Variants in TOX observed in about 807,000 individuals in gnomAD.
TOX encodes thymocyte selection associated high mobility group box, also known as thymocyte selection-associated high mobility group box protein TOX.
In TOX, 11 loss-of-function variants were observed where a neutral mutation model predicts 53.7. That is an observed-to-expected ratio of 0.20 (90% confidence interval 0.13 to 0.34). The LOEUF is 0.34. Ranked by LOEUF, TOX falls within the 10% of genes least tolerant of loss-of-function variation. TOX has a pLI of 1.00. For missense variants in TOX, 570 were observed against 664.6 expected (o/e 0.86, Z 1.56); for synonymous variants, 225 against 245.3 (o/e 0.92, Z 0.77).
At chr8:59,069,940 T>C (rs559290001) in intron 1 of TOX, among the ~76,000 whole-genome samples, 5 of 152,126 alleles carry the variant, frequency 3.3e-5, no homozygotes, top group Non-Finnish European at 7.4e-5. Context: ...GTGAAGACAA[T>C]GTGTAACACG....
intron 1 of TOX, among the ~76,000 whole-genome samples, chr8:59,094,728 C>G (rs776311348): frequency 3.3e-5 from 5 of 152,114 alleles, no homozygotes; most frequent in Non-Finnish European, 5.9e-5. Flanking sequence ...GGAAGCAAAC[C>G]CGCAGACCGC....
intron 1 of TOX, among the ~76,000 whole-genome samples, chr8:59,023,044 T>C (rs976542032): frequency 6.6e-6 from 1 of 152,200 alleles, no homozygotes; most frequent in African/African-American, 2.4e-5. Flanking sequence ...ATTTAAATTA[T>C]GAAAATCTCA....
At chr8:59,073,364 C>T (rs1804234226) in intron 1 of TOX, among the ~76,000 whole-genome samples, 1 of 152,044 alleles carries the variant, frequency 6.6e-6, no homozygotes, top group African/African-American at 2.4e-5. Context: ...ATAAAAACCA[C>T]CAGGAAAACT....
At chr8:59,021,329 G>C (rs1260545790) in intron 1 of TOX, among the ~76,000 whole-genome samples, 1 of 150,166 alleles carries the variant, frequency 6.7e-6, no homozygotes, top group African/African-American at 2.4e-5. Context: ...GGGGGAGGTT[G>C]GAGAAAGAAA....
At chr8:58,841,930 A>C (rs1003443637) in intron 4 of TOX, among the ~76,000 whole-genome samples, 7 of 152,246 alleles carry the variant, frequency 4.6e-5, no homozygotes, top group African/African-American at 1.7e-4. Context: ...ATTTTAATTA[A>C]AAAATTAATG....
At chr8:58,880,048 C>A (rs560723067) in intron 3 of TOX, among the ~76,000 whole-genome samples, 1 of 152,226 alleles carries the variant, frequency 6.6e-6, no homozygotes, top group East Asian at 1.9e-4. Flanking sequence ...CTTCCTAGAT[C>A]CCATAGGAAA....
At chr8:58,957,543 G>A (rs1230751437) in intron 2 of TOX, among the ~76,000 whole-genome samples, 2 of 152,220 alleles carry the variant, frequency 1.3e-5, no homozygotes, top group African/African-American at 4.8e-5. Context: ...TTTTTACAGT[G>A]TACTTCCATT....
intron 1 of TOX, among the ~76,000 whole-genome samples, chr8:59,107,898 T>C (rs950296275): frequency 1.3e-5 from 2 of 152,208 alleles, no homozygotes; most frequent in Admixed American, 1.3e-4. Flanking sequence ...CTTGCAAGTA[T>C]GTGCTAAAGA....
At chr8:59,067,704 T>TA (rs562863312) in intron 1 of TOX, among the ~76,000 whole-genome samples, 4,846 of 146,622 alleles carry the variant, frequency 0.033, 113 homozygotes, top group African/African-American at 0.056. Flanking sequence ...CCTACTATTA[T>TA]AAAAAAAAAA....
At chr8:58,925,922 C>T (rs1378015984) in intron 3 of TOX, among the ~76,000 whole-genome samples, 1 of 152,146 alleles carries the variant, frequency 6.6e-6, no homozygotes, top group African/African-American at 2.4e-5. Flanking sequence ...TGAATATGTG[C>T]CCCTTCCCCT....
intron 1 of TOX, among the ~76,000 whole-genome samples, chr8:58,978,986 T>C (rs1336853717): frequency 2.0e-5 from 3 of 152,230 alleles, no homozygotes; most frequent in Admixed American, 1.3e-4. Context: ...ATAGAGCCTG[T>C]AGCCTAAAAT....
At position 59,070,568 on chromosome 8, in the gene TOX, G is replaced by C. The variant is rs1418221173; in HGVS notation, c.102+48318C>G. Among the ~76,000 whole-genome samples the C allele has an allele frequency of 2.7e-5, 4 of 147,298 alleles. No homozygotes were observed. The East Asian group carries it at 7.9e-4, about 29-fold the overall frequency. On this transcript the variant is annotated intron_variant, in intron 1 of 8. Coordinates refer to ENST00000361421, the MANE Select transcript of TOX (RefSeq NM_014729.3). ...ACACACAGGGAGACCTAAGACTGAA[G>C]ATACAGAAGAAAAGATGGTGGAAAG...
intron 1 of TOX, among the ~76,000 whole-genome samples, chr8:59,061,592 A>T (rs1242071846): frequency 9.9e-5 from 15 of 152,138 alleles, no homozygotes. Flanking sequence ...ACTACTAGCA[A>T]AACCCCCATC....
Position 58,825,642 on chromosome 8 carries a change from T to C in TOX, c.1005+1180A>G, listed in dbSNP as rs528476331. On this transcript the variant is annotated intron_variant, in intron 6 of 8. Coordinates refer to ENST00000361421, the MANE Select transcript of TOX (RefSeq NM_014729.3). ...AAAAAGAATCTGATCTTGGATGAAA[T>C]AAGGAGAATTAACTTTTTAAAAGCC... Among the ~76,000 whole-genome samples the C allele has an allele frequency of 2.0e-5, 3 of 152,324 alleles. No homozygotes were observed. The South Asian group carries it at 6.2e-4, about 32-fold the overall frequency.
chr8:58,809,700 T>C (rs1810045052), intron 7 of TOX, among the ~76,000 whole-genome samples: 1 of 152,192 alleles, frequency 6.6e-6, no homozygotes, highest in Non-Finnish European at 1.5e-5. Flanking sequence ...GTAAATATCT[T>C]CCAAAATATT....
intron 1 of TOX, among the ~76,000 whole-genome samples, chr8:59,059,694 T>C (rs925554923): frequency 6.6e-6 from 1 of 152,224 alleles, no homozygotes; most frequent in Non-Finnish European, 1.5e-5. Flanking sequence ...AACAGAAAAG[T>C]TGACCTTGGC....
At chr8:59,064,889 T>C (rs1051039144) in intron 1 of TOX, among the ~76,000 whole-genome samples, 2 of 152,312 alleles carry the variant, frequency 1.3e-5, no homozygotes, top group East Asian at 3.9e-4. Flanking sequence ...ACCATTCTAA[T>C]GTTAATTTGG....
intron 1 of TOX, among the ~76,000 whole-genome samples, chr8:59,027,259 T>G (rs1038457383): frequency 6.6e-6 from 1 of 152,140 alleles, no homozygotes; most frequent in African/African-American, 2.4e-5. Context: ...TAAAAGCATA[T>G]AACATCTCCA....
intron 1 of TOX, among the ~76,000 whole-genome samples, chr8:59,009,384 C>CT (rs1332136402): frequency 5.4e-5 from 8 of 148,064 alleles, no homozygotes; most frequent in Admixed American, 4.1e-4. Context: ...TTCTTTCTTT[C>CT]TTTTTTTTGA....
Sources: allele counts gnomAD v4.1 joint callset (sites outside exome capture counted in the v4.1 genomes callset), GRCh38; gene constraint gnomAD v4.1.1; transcripts MANE v1.5; gene names NCBI Gene and HGNC (gene_info 2026-07-23, HGNC 2026-07-21).